NRCAM: variants seen among roughly 807,000 people sequenced by gnomAD.
NRCAM encodes the protein NgCAM-related cell adhesion molecule.
In NRCAM, 83 loss-of-function variants were observed where a neutral mutation model predicts 156.5. That is an observed-to-expected ratio of 0.53 (90% CI 0.44 to 0.64). NRCAM has a LOEUF of 0.64. Ranked by LOEUF, NRCAM falls within the 30% of genes least tolerant of loss-of-function variation. NRCAM has a pLI of 0.00. For synonymous variants in NRCAM, 538 were observed against 563.9 expected, an observed-to-expected ratio of 0.95 and a Z score of 0.65; for missense variants, 1,417 against 1,597.3, an observed-to-expected ratio of 0.89 and a Z score of 1.92.
intron 2 of NRCAM, among the ~76,000 whole-genome samples, chr7:108,397,650 G>C (rs925190968): frequency 7.2e-5 from 11 of 152,230 alleles, no homozygotes; most frequent in African/African-American, 2.7e-4. Context: ...GCAGAGCAAT[G>C]AAAGTGAGAA....
At chr7:108,270,482 T>C (rs1304937070) in intron 3 of NRCAM, among the ~76,000 whole-genome samples, 1 of 152,236 alleles carries the variant, frequency 6.6e-6, no homozygotes, top group African/African-American at 2.4e-5. Flanking sequence ...ATTGAGACTT[T>C]AAATAGCCAG....
At chr7:108,189,813 A>T (rs112415836) in intron 19 of NRCAM, 67 bp from the exon 20 acceptor site, 9 of 700,572 alleles carry the variant, frequency 1.3e-5, no homozygotes, top group African/African-American at 7.3e-5. Flanking sequence ...TTTACTCGTG[A>T]TACTATTCAC....
intron 3 of NRCAM, among the ~76,000 whole-genome samples, chr7:108,309,373 T>C (rs2098767640): frequency 6.6e-6 from 1 of 152,162 alleles, no homozygotes; most frequent in South Asian, 2.1e-4. Context: ...TAGATCCCTG[T>C]CTTGGTTTTT....
At chr7:108,193,633 C>T (rs1028553735) in intron 17 of NRCAM, among the ~76,000 whole-genome samples, 4 of 152,244 alleles carry the variant, frequency 2.6e-5, no homozygotes, top group Non-Finnish European at 5.9e-5. Flanking sequence ...TCTTAAAATA[C>T]TGACAAGGAT....
chr7:108,425,616 T>C (rs908272276), intron 1 of NRCAM, among the ~76,000 whole-genome samples: 1 of 152,236 alleles, frequency 6.6e-6, no homozygotes, highest in Non-Finnish European at 1.5e-5. Context: ...TTCTTACATA[T>C]ATTTAAACAT....
chr7:108,407,854 T>C (rs1052958588), intron 1 of NRCAM, among the ~76,000 whole-genome samples: 3 of 152,202 alleles, frequency 2.0e-5, no homozygotes, highest in African/African-American at 7.2e-5. Flanking sequence ...TTTGTTGTGT[T>C]TAATTATATC....
intron 2 of NRCAM, chr7:108,313,284 T>G (rs552520238): frequency 6.6e-6 from 1 of 152,272 alleles, no homozygotes; most frequent in South Asian, 2.1e-4. Context: ...CCTCAATGTT[T>G]CCTTTGCAAA....
intron 32 of NRCAM, among the ~76,000 whole-genome samples, chr7:108,154,972 T>C (rs573014748): frequency 1.8e-4 from 28 of 151,990 alleles, no homozygotes; most frequent in African/African-American, 6.7e-4. Flanking sequence ...TGTAATGAAA[T>C]AGTAAATAAC....
intron 3 of NRCAM, among the ~76,000 whole-genome samples, chr7:108,289,436 T>G (rs554303021): frequency 6.6e-6 from 1 of 152,326 alleles, no homozygotes; most frequent in Non-Finnish European, 1.5e-5. Context: ...AAAACTATAT[T>G]GTTTTTAATT....
At chr7:108,176,355 G>C in intron 27 of NRCAM, 75 bp downstream of exon 27, 1 of 1,346,600 alleles carries the variant, frequency 7.4e-7, no homozygotes, top group Admixed American at 1.8e-5. Context: ...ATAGCAAGAA[G>C]GAAAAAGCAT....
intron 5 of NRCAM, among the ~76,000 whole-genome samples, chr7:108,237,015 C>A (rs908055775): frequency 1.3e-5 from 2 of 152,136 alleles, no homozygotes. Flanking sequence ...TTAAACAGTG[C>A]TTGGGTCACC....
intron 1 of NRCAM, among the ~76,000 whole-genome samples, chr7:108,406,575 A>G (rs1308175257): frequency 1.3e-5 from 2 of 152,246 alleles, no homozygotes; most frequent in Non-Finnish European, 2.9e-5. Flanking sequence ...GCCAAAAACT[A>G]TTACAACAGC....
rs1486540800 is a variant in NRCAM, at chr7:108,194,526, T to C, written c.1464-98A>G. ...TCAAGGTCAACATGACCATGATGAA[T>C]GTGAAAGTTGCAAGGCTAGAAGGAT... is the stretch of plus-strand genomic sequence containing the variant. On this transcript the variant is annotated intron_variant, in intron 15 of 32. Transcript: ENST00000379028. 6 of 782,896 alleles carry C rather than the reference T, an allele frequency of 7.7e-6. No homozygotes were observed. The African/African-American group carries it at 8.7e-5, about 11-fold the overall frequency. 48.5% of individuals were successfully genotyped at this position (782,896 alleles called of 1,614,324 possible).
At chr7:108,162,203 T>C (rs1309013989) in intron 30 of NRCAM, among the ~76,000 whole-genome samples, 1 of 152,230 alleles carries the variant, frequency 6.6e-6, no homozygotes, top group Non-Finnish European at 1.5e-5. Flanking sequence ...GCCATTATAT[T>C]ATACTGCTGT....
chr7:108,414,148 T>C (rs931753202), intron 1 of NRCAM, among the ~76,000 whole-genome samples: 4 of 152,216 alleles, frequency 2.6e-5, no homozygotes, highest in African/African-American at 9.7e-5. Context: ...TGCGGAAACC[T>C]TGACCAGTAA....
intron 13 of NRCAM, among the ~76,000 whole-genome samples, chr7:108,202,847 C>A (rs2078903099): frequency 6.6e-6 from 1 of 152,160 alleles, no homozygotes; most frequent in Non-Finnish European, 1.5e-5. Context: ...AGGACAGGGG[C>A]CTTTTAACAC....
intron 26 of NRCAM, among the ~76,000 whole-genome samples, chr7:108,177,624 A>AATATATATATAT (rs59391934): frequency 8.7e-5 from 7 of 80,604 alleles, no homozygotes; most frequent in Non-Finnish European, 1.2e-4. Flanking sequence ...CTCCATCTCA[A>AATATATATATAT]ATATATATAT....
intron 2 of NRCAM, among the ~76,000 whole-genome samples, chr7:108,385,542 A>C (rs975805781): frequency 6.6e-6 from 1 of 152,212 alleles, no homozygotes; most frequent in Non-Finnish European, 1.5e-5. Flanking sequence ...GGGATCTCCA[A>C]TGAATTAGTC....
intron 3 of NRCAM, among the ~76,000 whole-genome samples, chr7:108,275,463 C>T (rs929502486): frequency 4.6e-5 from 7 of 152,076 alleles, no homozygotes; most frequent in African/African-American, 1.7e-4. Context: ...GTTTAGTCTT[C>T]AAAGAGCGTA....
Sources: gnomAD v4.1 joint callset for allele counts (sites outside exome capture counted in the v4.1 genomes callset) on GRCh38, gnomAD v4.1.1 for gene constraint, MANE v1.5 for transcripts, NCBI Gene and HGNC (gene_info 2026-07-23, HGNC 2026-07-21) for gene names.